OC90: variants seen among roughly 807,000 people sequenced by gnomAD.
The protein encoded by OC90 is otoconin 90, also known as otoconin-90.
Under a neutral mutation model 47.3 loss-of-function variants are expected in OC90, and 46 were observed. That is an observed-to-expected ratio of 0.97 (90% confidence interval 0.77 to 1.24). The LOEUF (loss-of-function observed/expected upper bound fraction) is 1.24, where lower values mean the gene tolerates loss of function less well. Ranked by LOEUF, OC90 falls within the 50% of genes most tolerant of loss-of-function variation. The probability of loss-of-function intolerance (pLI) is 0.00; values close to 1 mark genes in which losing one functional copy is unlikely to be tolerated. For missense variants in OC90, 688 were observed against 583.9 expected, an observed-to-expected ratio of 1.18 and a Z score of -1.84; for synonymous variants, 271 against 219.5, an observed-to-expected ratio of 1.23 and a Z score of -2.07.
intron 13 of OC90, among the ~76,000 whole-genome samples, chr8:132,028,601 G>GGAA (rs1563727488): frequency 4.8e-3 from 38 of 7,966 alleles, no homozygotes; most frequent in Admixed American, 0.01. Flanking sequence ...GAAGGAAGGA[G>GGAA]GGAAGGAGGG....
At chr8:132,041,819 A>T (rs979653296) in intron 4 of OC90, 120 bp from the exon 5 acceptor site, 4 of 583,762 alleles carry the variant, frequency 6.9e-6, no homozygotes, top group Admixed American at 3.2e-5. Flanking sequence ...GTAAGCACCT[A>T]CTCTGTAATA....
At chr8:132,044,577 A>G in intron 3 of OC90, 88 bp from the exon 4 acceptor site, 2 of 740,036 alleles carry the variant, frequency 2.7e-6, no homozygotes, top group South Asian at 3.3e-5. Flanking sequence ...TGTACATAAA[A>G]CCTTTCTTCA....
At position 132,041,596 on chromosome 8, in the gene OC90, G is replaced by C; in HGVS notation, c.273C>G (p.Pro91=). The C allele has an allele frequency of 6.2e-7, 1 of 1,613,420 alleles. No homozygotes were observed. Among genetic ancestry groups the C allele is most frequent in the African/African-American group, 1.3e-5 (1 of 74,866 alleles). The change falls in exon 5 of 14, where the codon CCC becomes CCG. Residue 91 remains proline, a synonymous_variant. Transcript: ENST00000254627. ...NGMKCVAGLC[P]RDFEDYGCTC... ...TGCAACCATAGTCTTCAAAGTCTCG[G>C]GGGCAGAGACCAGCCACACACTTCA...
chr8:132,055,068 G>T lies in OC90; in HGVS notation c.-42C>A, dbSNP rs4736538. ...ATGGGGCTTAGGCAGCAACTGGAACGGACTCCTGGGAGAGAAGCCAGCAGA... is the reference window on the plus strand; with the variant it reads ...ATGGGGCTTAGGCAGCAACTGGAACTGACTCCTGGGAGAGAAGCCAGCAGA... On this transcript the variant is annotated 5_prime_UTR_variant, in exon 2 of 14. Transcript: ENST00000254627. 6.6e-7 allele frequency: 1 copy of T among 1,521,122 alleles called. No individual in the cohort carries two copies. The highest frequency in any genetic ancestry group is 2.0e-5 in the Admixed American group (1 of 50,138). 94.2% of individuals were successfully genotyped at this position (1,521,122 alleles called of 1,614,324 possible). A position where few individuals can be genotyped will look rare whatever the true frequency, so the allele number is the denominator to read the frequency against.
intron 11 of OC90, among the ~76,000 whole-genome samples, chr8:132,032,565 G>C (rs965143338): frequency 1.3e-5 from 2 of 152,062 alleles, no homozygotes; most frequent in African/African-American, 4.8e-5. Context: ...TTTCTCCATA[G>C]CTCTGCTTTG....
chr8:132,031,068 T>C (rs780766325), intron 12 of OC90, among the ~76,000 whole-genome samples: 2 of 152,200 alleles, frequency 1.3e-5, no homozygotes, highest in African/African-American at 2.4e-5. Flanking sequence ...CCATGTGCAG[T>C]CTTTAAACTT....
intron 6 of OC90, among the ~76,000 whole-genome samples, chr8:132,040,715 G>T (rs1048417787): frequency 7.2e-5 from 11 of 152,222 alleles, no homozygotes; most frequent in Admixed American, 3.3e-4. Context: ...GGTCAGAGGA[G>T]TTAAATAATT....
Position 132,057,574 on chromosome 8 carries a change from G to A in OC90, c.-48+1767C>T, listed in dbSNP as rs114440859. 1.1e-3 allele frequency among the ~76,000 whole-genome samples: 168 copies of A among 152,328 alleles called. 1 individual carries two copies. Among genetic ancestry groups the A allele is most frequent in the African/African-American group, 3.7e-3 (155 of 41,568 alleles). Reference sequence around the variant, plus strand: ...AAAAGTCCTGGAGGTGGACAGTGGCGTGATTGCATATCAATGTGAATGCAC... The same window carrying A: ...AAAAGTCCTGGAGGTGGACAGTGGCATGATTGCATATCAATGTGAATGCAC... On this transcript the variant is annotated intron_variant, in intron 1 of 13. Coordinates refer to ENST00000254627, the MANE Select transcript of OC90 (RefSeq NM_001080399.3).
At chr8:132,038,022 A>C (rs915220028) in intron 8 of OC90, among the ~76,000 whole-genome samples, 21 of 152,258 alleles carry the variant, frequency 1.4e-4, no homozygotes, top group African/African-American at 5.1e-4. Flanking sequence ...CAAACACTGC[A>C]TGACTAGTTC....
intron 13 of OC90, among the ~76,000 whole-genome samples, chr8:132,028,589 AGGAAGGAAGGAG>A (rs1344113955): frequency 1.6e-3 from 53 of 33,620 alleles, no homozygotes; most frequent in African/African-American, 3.4e-3. Context: ...GAAGGAAGGA[AGGAAGGAAGGAG>A]GGAAGGAGGG....
intron 13 of OC90, among the ~76,000 whole-genome samples, chr8:132,028,608 AG>A (rs879821657): frequency 6.9e-4 from 75 of 108,230 alleles, no homozygotes; most frequent in African/African-American, 1.6e-3. Context: ...GGAGGGAAGG[AG>A]GGAAGGAGGA....
At chr8:132,035,316 G>A (rs1391674382) in intron 9 of OC90, among the ~76,000 whole-genome samples, 2 of 152,162 alleles carry the variant, frequency 1.3e-5, no homozygotes, top group East Asian at 1.9e-4. Flanking sequence ...GCTAGGTATG[G>A]CAGCAAGGGC....
At chr8:132,059,169 A>G (rs1252764618) in intron 1 of OC90, among the ~76,000 whole-genome samples, 172 bp downstream of exon 1, 1 of 111,380 alleles carries the variant, frequency 9.0e-6, no homozygotes, top group Admixed American at 9.4e-5. Flanking sequence ...TCTCCCAACC[A>G]TTTCCCTCCC....
At chr8:132,026,886 C>T (rs1326357294) in intron 13 of OC90, among the ~76,000 whole-genome samples, 1 of 152,174 alleles carries the variant, frequency 6.6e-6, no homozygotes, top group African/African-American at 2.4e-5. Flanking sequence ...TGTCTGTCTC[C>T]TCAACCTCAC....
chr8:132,026,758 T>A (rs4736531), intron 13 of OC90, among the ~76,000 whole-genome samples: 1 of 151,952 alleles, frequency 6.6e-6, no homozygotes, highest in Non-Finnish European at 1.5e-5. Context: ...CCTGGCATGA[T>A]TGCATCATGT....
chr8:132,039,043 A>G lies in OC90; in HGVS notation c.538T>C (p.Ser180Pro). 1 of 1,613,938 alleles carries G rather than the reference A, an allele frequency of 6.2e-7. No homozygotes were observed. Among genetic ancestry groups the G allele is most frequent in the Non-Finnish European group, 8.5e-7 (1 of 1,179,854 alleles). The change falls in exon 7 of 14, where the codon TCT (serine) becomes CCT (proline). Residue 180 changes from serine to proline, a missense_variant. By Grantham distance (74) the Ser-to-Pro change is moderately conservative (BLOSUM62 -1). Transcript: ENST00000254627. ...IECLARSSLNSSLNLLDTSFC... is the reference protein window; with the variant it reads ...IECLARSSLNPSLNLLDTSFC... The stretch of plus-strand genomic sequence containing the variant: ...GAGGTGTCCAGAAGGTTCAGGGAAG[A>G]GTTGAGGCTGGATCGAGCCAAGCAC...
intron 7 of OC90, 71 bp downstream of exon 7, chr8:132,038,924 A>G (rs1823009547): frequency 2.5e-6 from 4 of 1,610,310 alleles, no homozygotes; most frequent in Non-Finnish European, 3.4e-6. Context: ...GACATGAAGC[A>G]ATAATTGATC....
intron 11 of OC90, among the ~76,000 whole-genome samples, chr8:132,032,694 G>T (rs1822893144): frequency 6.6e-6 from 1 of 152,184 alleles, no homozygotes; most frequent in South Asian, 2.1e-4. Context: ...GAGAGACAAA[G>T]GGGGAAGATG....
intron 1 of OC90, among the ~76,000 whole-genome samples, chr8:132,055,570 T>C (rs1390474682): frequency 6.6e-6 from 1 of 152,260 alleles, no homozygotes; most frequent in Non-Finnish European, 1.5e-5. Flanking sequence ...CTTTGGCATG[T>C]AGGTTTTGAA....
Sources: gnomAD v4.1 joint callset for allele counts (sites outside exome capture counted in the v4.1 genomes callset) on GRCh38, gnomAD v4.1.1 for gene constraint, MANE v1.5 for transcripts, NCBI Gene and HGNC (gene_info 2026-07-23, HGNC 2026-07-21) for gene names.